Variants in MAP7 observed in about 807,000 individuals in gnomAD.
The protein encoded by MAP7 is microtubule associated protein 7, also known as ensconsin.
In MAP7, 52 loss-of-function variants were observed where a neutral mutation model predicts 94.8. The observed-to-expected ratio is 0.55, with a 90% CI of 0.44 to 0.69. The LOEUF is 0.69. MAP7 is among the 30% of genes least tolerant of loss of function. The probability of loss-of-function intolerance (pLI) is 0.00; values close to 1 mark genes in which losing one functional copy is unlikely to be tolerated. For synonymous variants in MAP7, 350 were observed against 357.0 expected, an observed-to-expected ratio of 0.98 and a Z score of 0.22; for missense variants, 940 against 964.6, an observed-to-expected ratio of 0.97 and a Z score of 0.34.
chr6:136,431,286 G>A (rs1348909971), intron 1 of MAP7, among the ~76,000 whole-genome samples: 6 of 152,038 alleles, frequency 3.9e-5, no homozygotes, highest in Non-Finnish European at 5.9e-5. Context: ...CAGAATGTAT[G>A]CTTCCAAAAT....
chr6:136,506,526 G>T (rs897970508), intron 1 of MAP7, among the ~76,000 whole-genome samples: 1 of 151,734 alleles, frequency 6.6e-6, no homozygotes, highest in Admixed American at 6.5e-5. Flanking sequence ...AACAATAAAA[G>T]ATTATTTATC....
chr6:136,482,427 C>T (rs912142969), intron 1 of MAP7, among the ~76,000 whole-genome samples: 3 of 151,436 alleles, frequency 2.0e-5, no homozygotes, highest in Non-Finnish European at 2.9e-5. Flanking sequence ...GGTGAAACCC[C>T]GTCTCTACTA....
chr6:136,408,263 T>A (rs1200215438), intron 3 of MAP7, among the ~76,000 whole-genome samples: 4 of 152,152 alleles, frequency 2.6e-5, no homozygotes, highest in African/African-American at 9.7e-5. Flanking sequence ...AGAGTACAAG[T>A]GCCCAACGAC....
At chr6:136,505,275 GTGTATATATATATATA>G (rs1424980132) in intron 1 of MAP7, among the ~76,000 whole-genome samples, 5 of 69,156 alleles carry the variant, frequency 7.2e-5, no homozygotes, top group African/African-American at 3.0e-4. Context: ...GTGTGTGTGT[GTGTATATATATATATA>G]TATATATATA....
chr6:136,466,629 G>A (rs1029076243), intron 1 of MAP7: 15 of 703,786 alleles, frequency 2.1e-5, no homozygotes, highest in South Asian at 6.4e-5. Context: ...AAAAAAAAAA[G>A]ATTAGAAGAT....
chr6:136,489,655 G>A (rs1028263075), intron 1 of MAP7, among the ~76,000 whole-genome samples: 1 of 151,144 alleles, frequency 6.6e-6, no homozygotes, highest in Non-Finnish European at 1.5e-5. Flanking sequence ...AGCCTCCTGA[G>A]TAGCTGGGAC....
chr6:136,411,310 T>C (rs1787369841), intron 3 of MAP7, among the ~76,000 whole-genome samples: 1 of 152,176 alleles, frequency 6.6e-6, no homozygotes, highest in African/African-American at 2.4e-5. Context: ...TAACTTTTCA[T>C]GTAAAAAAGA....
chr6:136,410,915 G>A (rs189884016), intron 3 of MAP7, among the ~76,000 whole-genome samples: 5 of 152,294 alleles, frequency 3.3e-5, no homozygotes, highest in Admixed American at 2.0e-4. Context: ...TGCTGACCAG[G>A]CATTTAATCT....
intron 1 of MAP7, among the ~76,000 whole-genome samples, chr6:136,539,231 C>T (rs186246913): frequency 1.1e-3 from 164 of 152,176 alleles, no homozygotes; most frequent in African/African-American, 3.8e-3. Flanking sequence ...ATCCCTGTGA[C>T]GATATTACCA....
chr6:136,388,570 A>G (rs1231464092), intron 4 of MAP7, 60 bp from the exon 5 acceptor site: 8 of 1,367,288 alleles, frequency 5.9e-6, no homozygotes, highest in South Asian at 2.3e-5. Context: ...AGCTTCTTCA[A>G]TTTAAGGCAG....
intron 16 of MAP7, among the ~76,000 whole-genome samples, chr6:136,349,811 G>A (rs1223028489): frequency 6.6e-6 from 1 of 152,084 alleles, no homozygotes; most frequent in East Asian, 1.9e-4. Flanking sequence ...GGGCAAAGGG[G>A]CCAGGCGTCT....
chr6:136,421,891 T>C (rs1029822499), intron 1 of MAP7, 92 bp from the exon 2 acceptor site: 51 of 926,528 alleles, frequency 5.5e-5, no homozygotes, highest in Non-Finnish European at 7.5e-5. Context: ...TGTTAACCTA[T>C]GTACCAGGTT....
At chr6:136,452,830 G>C (rs896360010) in intron 1 of MAP7, among the ~76,000 whole-genome samples, 6 of 152,162 alleles carry the variant, frequency 3.9e-5, no homozygotes, top group African/African-American at 1.2e-4. Flanking sequence ...TGGCATTACA[G>C]GCATGAGCCA....
At chr6:136,504,408 G>T (rs554638601) in intron 1 of MAP7, among the ~76,000 whole-genome samples, 1 of 152,172 alleles carries the variant, frequency 6.6e-6, no homozygotes, top group South Asian at 2.1e-4. Flanking sequence ...GAGTGCAGTG[G>T]TGCAATCTTG....
chr6:136,518,223 A>G (rs1441516333), intron 1 of MAP7, among the ~76,000 whole-genome samples: 3 of 152,202 alleles, frequency 2.0e-5, no homozygotes, highest in Non-Finnish European at 2.9e-5. Context: ...CCCAAACCAT[A>G]TATATTCAAG....
At chr6:136,529,868 T>C (rs1828330571) in intron 1 of MAP7, among the ~76,000 whole-genome samples, 1 of 152,226 alleles carries the variant, frequency 6.6e-6, no homozygotes, top group South Asian at 2.1e-4. Context: ...CTGGTTGGCA[T>C]CTCTGGCCTA....
At position 136,366,453 on chromosome 6, in the gene MAP7, A is replaced by T; in HGVS notation, c.877-14T>A. 1 of 1,550,754 alleles carries T rather than the reference A, an allele frequency of 6.4e-7. No homozygotes were observed. The highest frequency in any genetic ancestry group is 8.9e-7 in the Non-Finnish European group (1 of 1,122,706). On this transcript the variant is annotated splice_polypyrimidine_tract_variant and intron_variant, in intron 8 of 17. Coordinates refer to ENST00000354570, the MANE Select transcript of MAP7 (RefSeq NM_003980.6). ...TTTTTTATAGCTCTAAGTTCAGAGA[A>T]ACTCAATAGTTAGATTTTTCCACAA...
intron 1 of MAP7, among the ~76,000 whole-genome samples, chr6:136,543,316 A>G (rs1157687285): frequency 6.6e-6 from 1 of 152,232 alleles, no homozygotes; most frequent in East Asian, 1.9e-4. Flanking sequence ...CTGAATCTCA[A>G]AAACATGATG....
intron 1 of MAP7, among the ~76,000 whole-genome samples, chr6:136,486,529 T>C (rs1293402537): frequency 6.6e-6 from 1 of 152,228 alleles, no homozygotes; most frequent in Non-Finnish European, 1.5e-5. Context: ...TCAATTCTAA[T>C]TTTCATAGGC....
Sources: allele counts gnomAD v4.1 joint callset (sites outside exome capture counted in the v4.1 genomes callset), GRCh38; gene constraint gnomAD v4.1.1; transcripts MANE v1.5; gene names NCBI Gene and HGNC (gene_info 2026-07-23, HGNC 2026-07-21).